The following EXO1 variants were observed in gnomAD, a reference collection of about 807,000 sequenced individuals.
EXO1 encodes the protein exonuclease 1.
A neutral mutation model predicts 84.5 loss-of-function variants in EXO1; 69 were observed. That is an observed-to-expected ratio of 0.82 (90% CI 0.67 to 1.00). The LOEUF is 1.00. Ranked by LOEUF, EXO1 falls within the 50% of genes least tolerant of loss-of-function variation. The probability of loss-of-function intolerance (pLI) is 0.00; values close to 1 mark genes in which losing one functional copy is unlikely to be tolerated. For missense variants in EXO1, 1,045 were observed against 1,000.7 expected (o/e 1.04, Z -0.60); for synonymous variants, 373 against 366.1 (o/e 1.02, Z -0.21).
intron 13 of EXO1, among the ~76,000 whole-genome samples, chr1:241,881,130 C>T (rs774654962): frequency 7.9e-5 from 12 of 152,082 alleles, no homozygotes; most frequent in Non-Finnish European, 1.3e-4. Context: ...CGGGTTCAAG[C>T]GATTCTCCCA....
chr1:241,852,535 C>G, intron 5 of EXO1, 124 bp downstream of exon 5: 1 of 838,482 alleles, frequency 1.2e-6, no homozygotes, highest in Non-Finnish European at 2.0e-6. Flanking sequence ...GTCCTAGGTA[C>G]TCGGGAGGTT....
intron 11 of EXO1, among the ~76,000 whole-genome samples, chr1:241,870,094 G>C (rs1201092616): frequency 6.6e-6 from 1 of 152,180 alleles, no homozygotes; most frequent in African/African-American, 2.4e-5. Context: ...ACAGGTGTGA[G>C]CCACTGCGCC....
rs764571899 is a variant in EXO1, at chr1:241,879,331, C to T, written c.2097C>T (p.Asp699=). The change falls in exon 13 of 16, where the codon GAC becomes GAT. Residue 699 remains aspartate (D), a synonymous_variant. Transcript: ENST00000366548. ...ASKLSQCSSK[D]SDSEESDCNI... ...AGCTTTCTCAGTGCTCTAGTAAGGA[C>T]TCTGATTCAGAGGTAAGTCAAATCC... The T allele has an allele frequency of 2.5e-6, 4 of 1,591,894 alleles. No individual in the cohort carries two copies. In the African/African-American group the frequency reaches 5.4e-5, roughly 21 times the overall value.
intron 4 of EXO1, among the ~76,000 whole-genome samples, chr1:241,850,875 C>T (rs982644528): frequency 5.6e-5 from 7 of 125,666 alleles, no homozygotes; most frequent in Non-Finnish European, 1.6e-5. Flanking sequence ...GAATCTCTAG[C>T]TCAGGCTGGA....
chr1:241,871,864 G>GT (rs1469811764), intron 11 of EXO1, among the ~76,000 whole-genome samples, 168 bp from the exon 12 acceptor site: 4 of 148,508 alleles, frequency 2.7e-5, no homozygotes, highest in African/African-American at 9.9e-5. Flanking sequence ...ACCTAAGGGA[G>GT]TTTTTTTGAA....
At chr1:241,871,911 GTTTTTTTT>G in intron 11 of EXO1, 113 bp from the exon 12 acceptor site, 1 of 517,332 alleles carries the variant, frequency 1.9e-6, no homozygotes, top group South Asian at 3.0e-5. Flanking sequence ...CTGAGGCATA[GTTTTTTTT>G]TTTTTTTTTT....
Position 241,887,636 on chromosome 1 carries a change from G to GTTTA in EXO1, c.2406-1813_2406-1810dup, listed in dbSNP as rs966210544. Among the ~76,000 whole-genome samples, 44 of 151,894 alleles carry GTTTA rather than the reference G, an allele frequency of 2.9e-4. No individual in the cohort carries two copies. The East Asian group carries it at 6.8e-3, about 23-fold the overall frequency. ...CTCTCTTTGCTCATTTTATTTGTTT[G>GTTTA]TTTATTTATTTATTTATTTTGAGAC... On this transcript the variant is annotated intron_variant, in intron 15 of 15. Coordinates refer to ENST00000366548, the MANE Select transcript of EXO1 (RefSeq NM_130398.4).
intron 11 of EXO1, among the ~76,000 whole-genome samples, chr1:241,871,337 T>C (rs1662079905): frequency 6.6e-6 from 1 of 152,258 alleles, no homozygotes; most frequent in East Asian, 1.9e-4. Flanking sequence ...TATAGTAGTG[T>C]GCACTTACAC....
intron 11 of EXO1, among the ~76,000 whole-genome samples, chr1:241,869,721 A>C (rs967001278): frequency 1.3e-5 from 2 of 149,590 alleles, no homozygotes; most frequent in Non-Finnish European, 3.0e-5. Flanking sequence ...GTGTACATTC[A>C]TCTTCCTTCC....
intron 12 of EXO1, among the ~76,000 whole-genome samples, chr1:241,872,645 G>A (rs1662182572): frequency 6.6e-6 from 1 of 152,048 alleles, no homozygotes; most frequent in African/African-American, 2.4e-5. Flanking sequence ...GAGAATGATG[G>A]TTTCCAGCCT....
intron 10 of EXO1, among the ~76,000 whole-genome samples, chr1:241,863,852 G>C (rs559044605): frequency 1.8e-3 from 267 of 152,278 alleles, no homozygotes; most frequent in African/African-American, 6.2e-3. Context: ...AGTGCTTAGT[G>C]GTTAGTGGCT....
intron 13 of EXO1, among the ~76,000 whole-genome samples, chr1:241,879,985 G>A (rs1384571348): frequency 1.3e-5 from 2 of 150,030 alleles, no homozygotes; most frequent in Non-Finnish European, 3.0e-5. Flanking sequence ...CCAGCCTGGG[G>A]GACAGAGCAA....
rs569343496 is a variant in EXO1 at position 241,876,246 on chromosome 1, G to C, written c.1515-2503G>C. On this transcript the variant is annotated intron_variant, in intron 12 of 15. Transcript: ENST00000366548. ...AGAAATAATTATCAGGAGTAAGTCA[G>C]TCTTTGATGTGTCATTTTATGGCTT... Among the ~76,000 whole-genome samples the C allele has an allele frequency of 2.0e-5, 3 of 152,338 alleles. No individual in the cohort carries two copies. In the South Asian group the frequency reaches 6.2e-4, roughly 32 times the overall value.
Position 241,879,154 on chromosome 1 carries a change from C to T in EXO1, c.1920C>T (p.Pro640=). 5 of 1,608,690 alleles carry T rather than the reference C, an allele frequency of 3.1e-6. No homozygotes were observed. Among genetic ancestry groups the T allele is most frequent in the Non-Finnish European group, 4.3e-6 (5 of 1,175,272 alleles). The change falls in exon 13 of 16, where the codon CCC becomes CCT. Residue 640 remains proline, a synonymous_variant. Transcript: ENST00000366548. ...LQQFRRKSDS[P]TSLPENNMSD... is the part of the protein sequence containing the mutation. The stretch of plus-strand genomic sequence containing the variant: ...AGTTCCGAAGAAAGAGCGATTCCCC[C>T]ACCTCTTTGCCTGAGAATAATATGT...
chr1:241,866,664 A>G (rs1364543219), intron 10 of EXO1, among the ~76,000 whole-genome samples, 166 bp from the exon 11 acceptor site: 1 of 151,362 alleles, frequency 6.6e-6, no homozygotes, highest in East Asian at 1.9e-4. Context: ...ATGGAAAAGT[A>G]TAGGACCAGC....
At chr1:241,858,374 C>T (rs1003841459) in intron 7 of EXO1, 132 bp from the exon 8 acceptor site, 1 of 650,270 alleles carries the variant, frequency 1.5e-6, no homozygotes, top group African/African-American at 1.8e-5. Flanking sequence ...AATCATCAGC[C>T]TGTCTATCTA....
intron 14 of EXO1, among the ~76,000 whole-genome samples, chr1:241,884,332 A>T (rs1272085451): frequency 6.6e-6 from 1 of 152,092 alleles, no homozygotes; most frequent in Non-Finnish European, 1.5e-5. Flanking sequence ...CTTCCTACAC[A>T]CACTGCCAGA....
chr1:241,882,722 G>A (rs1776153), intron 14 of EXO1, among the ~76,000 whole-genome samples: 74,187 of 151,930 alleles, frequency 0.49, 18,711 homozygotes, highest in Non-Finnish European at 0.55. Context: ...TTGTTTAACC[G>A]TATGTTTAAC....
At chr1:241,882,640 G>T (rs1001734376) in intron 14 of EXO1, among the ~76,000 whole-genome samples, 3 of 152,114 alleles carry the variant, frequency 2.0e-5, no homozygotes, top group African/African-American at 7.2e-5. Context: ...TAACTTAAAA[G>T]ATGGATAAAG....
Sources: allele counts gnomAD v4.1 joint callset (sites outside exome capture counted in the v4.1 genomes callset), GRCh38; gene constraint gnomAD v4.1.1; transcripts MANE v1.5; gene names NCBI Gene and HGNC (gene_info 2026-07-23, HGNC 2026-07-21).